Variants in ST6GALNAC3 observed in about 807,000 individuals in gnomAD.
ST6GALNAC3 encodes the protein ST6 N-acetylgalactosaminide alpha-2,6-sialyltransferase 3.
A neutral mutation model predicts 32.7 loss-of-function variants in ST6GALNAC3; 25 were observed. The ratio of observed to expected loss-of-function variants is 0.76; its 90% CI spans 0.56 to 1.07. The LOEUF (loss-of-function observed/expected upper bound fraction) is 1.07. ST6GALNAC3 is among the 50% of genes least tolerant of loss of function. ST6GALNAC3 has a pLI of 0.00. For missense variants in ST6GALNAC3, 355 were observed against 382.4 expected (o/e 0.93, Z 0.60); for synonymous variants, 129 against 133.1 (o/e 0.97, Z 0.21).
At chr1:76,216,435 G>A (rs1258562899) in intron 1 of ST6GALNAC3, among the ~76,000 whole-genome samples, 1 of 152,208 alleles carries the variant, frequency 6.6e-6, no homozygotes, top group African/African-American at 2.4e-5. Flanking sequence ...GCAATAATTT[G>A]TTGTTGAATA....
intron 3 of ST6GALNAC3, among the ~76,000 whole-genome samples, chr1:76,601,279 T>G (rs1316293355): frequency 6.6e-6 from 1 of 152,160 alleles, no homozygotes; most frequent in Non-Finnish European, 1.5e-5. Flanking sequence ...TTCACTAATT[T>G]TTGTTATTTT....
rs528880287 is a variant in ST6GALNAC3 at position 76,527,157 on chromosome 1, C to A, written c.624-100295C>A. 3.3e-5 allele frequency among the ~76,000 whole-genome samples: 5 copies of A among 152,170 alleles called. No individual in the cohort carries two copies. In the East Asian group the frequency reaches 9.7e-4, roughly 29 times the overall value. On this transcript the variant is annotated intron_variant, in intron 3 of 4. Coordinates refer to ENST00000328299, the MANE Select transcript of ST6GALNAC3 (RefSeq NM_152996.4). ...AGATAAATATCCTCCTTTGTCAAGT[C>A]TCTTTTCAGCACATCCCCAGGTTTC...
At chr1:76,307,311 G>C (rs4511169) in intron 1 of ST6GALNAC3, among the ~76,000 whole-genome samples, 125,701 of 152,084 alleles carry the variant, frequency 0.83, 52,049 homozygotes, top group Non-Finnish European at 0.86. Flanking sequence ...ATGAATGAAG[G>C]TTTTATTTAT....
intron 3 of ST6GALNAC3, among the ~76,000 whole-genome samples, chr1:76,551,901 A>C (rs1371035194): frequency 6.6e-6 from 1 of 151,984 alleles, no homozygotes; most frequent in Non-Finnish European, 1.5e-5. Context: ...TGAGGTCAAC[A>C]TTTTCAGTTG....
intron 1 of ST6GALNAC3, among the ~76,000 whole-genome samples, chr1:76,104,804 C>T (rs1467721366): frequency 2.6e-5 from 4 of 152,130 alleles, no homozygotes; most frequent in Non-Finnish European, 5.9e-5. Flanking sequence ...GGAGGCCTTA[C>T]AATCGTGGTG....
chr1:76,398,532 T>C (rs4949630), intron 2 of ST6GALNAC3, among the ~76,000 whole-genome samples: 149,565 of 152,254 alleles, frequency 0.98, 73,508 homozygotes, highest in East Asian at 1. Flanking sequence ...ATATGCTTTA[T>C]TCTATCTGGC....
At chr1:76,206,425 AC>A (rs1654825996) in intron 1 of ST6GALNAC3, among the ~76,000 whole-genome samples, 2 of 152,190 alleles carry the variant, frequency 1.3e-5, no homozygotes, top group South Asian at 4.1e-4. Flanking sequence ...TCCTAGCAGA[AC>A]TAAATACATC....
chr1:76,121,964 C>T (rs1163326880), intron 1 of ST6GALNAC3, among the ~76,000 whole-genome samples: 1 of 152,194 alleles, frequency 6.6e-6, no homozygotes, highest in Non-Finnish European at 1.5e-5. Context: ...CCTTAGACAT[C>T]TGCATGGCTC....
intron 3 of ST6GALNAC3, among the ~76,000 whole-genome samples, chr1:76,424,149 G>A (rs1419765502): frequency 6.6e-6 from 1 of 151,916 alleles, no homozygotes; most frequent in Non-Finnish European, 1.5e-5. Flanking sequence ...ATTTAGGAGT[G>A]CATTAAATTT....
At position 76,553,918 on chromosome 1, in the gene ST6GALNAC3, C is replaced by G. The variant is rs941190469; in HGVS notation, c.624-73534C>G. 5.9e-5 allele frequency among the ~76,000 whole-genome samples: 9 copies of G among 152,266 alleles called. No individual in the cohort carries two copies. In the South Asian group the frequency reaches 1.2e-3, roughly 21 times the overall value. On this transcript the variant is annotated intron_variant, in intron 3 of 4. Transcript: ENST00000328299. ...TTACACTCACGTATTCATACAATTA[C>G]TGTGAAATTACTGTACCAAAAGCAG...
At chr1:76,258,660 A>G (rs1658056331) in intron 1 of ST6GALNAC3, among the ~76,000 whole-genome samples, 1 of 152,136 alleles carries the variant, frequency 6.6e-6, no homozygotes, top group Non-Finnish European at 1.5e-5. Flanking sequence ...AGTTCCTACT[A>G]TATATAAGGG....
intron 2 of ST6GALNAC3, among the ~76,000 whole-genome samples, chr1:76,361,202 C>T (rs1233230595): frequency 1.3e-5 from 2 of 152,066 alleles, no homozygotes; most frequent in Admixed American, 1.3e-4. Flanking sequence ...ACTAAAACTC[C>T]ATACACATTA....
intron 1 of ST6GALNAC3, among the ~76,000 whole-genome samples, chr1:76,137,449 TC>T (rs1650014820): frequency 6.6e-6 from 1 of 152,168 alleles, no homozygotes; most frequent in Non-Finnish European, 1.5e-5. Flanking sequence ...AGGCAGGTGA[TC>T]CAAGGGATGG....
chr1:76,544,524 A>G (rs1664175664), intron 3 of ST6GALNAC3, among the ~76,000 whole-genome samples: 1 of 152,212 alleles, frequency 6.6e-6, no homozygotes, highest in South Asian at 2.1e-4. Flanking sequence ...AAGAGAGAAG[A>G]GAGAAAGAGA....
At chr1:76,460,031 C>G (rs766454908) in intron 3 of ST6GALNAC3, among the ~76,000 whole-genome samples, 1 of 152,140 alleles carries the variant, frequency 6.6e-6, no homozygotes, top group Non-Finnish European at 1.5e-5. Flanking sequence ...TACAGTAAGT[C>G]TATGTTTAAT....
chr1:76,185,236 T>C (rs1381276926), intron 1 of ST6GALNAC3, among the ~76,000 whole-genome samples: 1 of 152,148 alleles, frequency 6.6e-6, no homozygotes, highest in Admixed American at 6.5e-5. Flanking sequence ...GTTTAAATAC[T>C]CCTTATTGTG....
chr1:76,152,353 T>A lies in ST6GALNAC3; in HGVS notation c.18+77469T>A, dbSNP rs536458956. On this transcript the variant is annotated intron_variant, in intron 1 of 4. Coordinates refer to ENST00000328299, the MANE Select transcript of ST6GALNAC3 (RefSeq NM_152996.4). ...CAGGTTATTTAAGATGCGGAGGAAA[T>A]CTTATCACAGAGAAGCAGCTTCTAA... Among the ~76,000 whole-genome samples the A allele has an allele frequency of 1.8e-3, 280 of 152,188 alleles. 2 individuals carry two copies. The highest frequency in any genetic ancestry group is 6.8e-3 in the Middle Eastern group (2 of 294).
intron 1 of ST6GALNAC3, among the ~76,000 whole-genome samples, chr1:76,209,946 A>G (rs1049683164): frequency 3.3e-5 from 5 of 152,134 alleles, no homozygotes; most frequent in African/African-American, 4.8e-5. Context: ...CTCTATTAAG[A>G]TAACGTTGTC....
At chr1:76,200,803 C>T (rs1654474255) in intron 1 of ST6GALNAC3, among the ~76,000 whole-genome samples, 1 of 151,954 alleles carries the variant, frequency 6.6e-6, no homozygotes, top group Non-Finnish European at 1.5e-5. Context: ...GGAATCCAGG[C>T]CATTTGCAGT....
Sources: gnomAD v4.1 joint callset for allele counts (sites outside exome capture counted in the v4.1 genomes callset) on GRCh38, gnomAD v4.1.1 for gene constraint, MANE v1.5 for transcripts, NCBI Gene and HGNC (gene_info 2026-07-23, HGNC 2026-07-21) for gene names.